The following RIMS1 variants were observed in gnomAD, a reference collection of about 807,000 sequenced individuals.
RIMS1 encodes regulating synaptic membrane exocytosis protein 1.
Under a neutral mutation model 214.1 loss-of-function variants are expected in RIMS1, and 83 were observed. That is an observed-to-expected ratio of 0.39 (90% confidence interval 0.32 to 0.47). The LOEUF (loss-of-function observed/expected upper bound fraction) is 0.47. Among genes scored for constraint, RIMS1 ranks in the 20% least tolerant of loss-of-function variants. The pLI is 0.99. For missense variants in RIMS1, 2,050 were observed against 2,161.8 expected, an observed-to-expected ratio of 0.95 and a Z score of 1.03; for synonymous variants, 793 against 786.8, an observed-to-expected ratio of 1.01 and a Z score of -0.13.
rs994521153 is a variant in RIMS1, at chr6:72,182,790, G to T, written c.1319G>T (p.Gly440Val). The T allele has an allele frequency of 3.9e-6, 6 of 1,546,224 alleles. No homozygotes were observed. Among genetic ancestry groups the T allele is most frequent in the Middle Eastern group, 3.4e-4 (2 of 5,900 alleles). Residue 440 changes from glycine to valine, a missense_variant, in exon 6 of 34, where the codon GGC becomes GTC. This residue lies in a region of RIMS1 where 882 missense variants were observed against 828.9 expected (regional missense o/e 1.06). Coordinates refer to ENST00000521978, the MANE Select transcript of RIMS1 (RefSeq NM_014989.7). ...AERTAETRAPGAKQLTNHSPP... is the reference protein window; with the variant it reads ...AERTAETRAPVAKQLTNHSPP... Reference sequence around the variant, plus strand: ...AGAACTGCGGAGACCAGGGCGCCGGGCGCCAAGCAGCTAACGAACCACAGC... The same window carrying T: ...AGAACTGCGGAGACCAGGGCGCCGGTCGCCAAGCAGCTAACGAACCACAGC...
intron 28 of RIMS1, among the ~76,000 whole-genome samples, chr6:72,321,431 C>T (rs1483257269): frequency 6.6e-6 from 1 of 152,082 alleles, no homozygotes; most frequent in African/African-American, 2.4e-5. Context: ...ATTAGAAATA[C>T]ATGAGCAGAT....
rs752055034 is a variant in RIMS1, at chr6:72,100,756, G to T, written c.471+770G>T. Among the ~76,000 whole-genome samples the T allele has an allele frequency of 5.0e-4, 74 of 148,056 alleles. 1 individual carries two copies. Among genetic ancestry groups the T allele is most frequent in the Non-Finnish European group, 5.7e-4 (38 of 66,182 alleles). ...TCTACCAATATGAGAATGAGACAAT[G>T]AGTATTTCAGGTTTAATATATCAAC... is the stretch of plus-strand genomic sequence containing the variant. On this transcript the variant is annotated intron_variant, in intron 4 of 33. Transcript: ENST00000521978.
chr6:72,007,055 C>T (rs1190396450), intron 2 of RIMS1, among the ~76,000 whole-genome samples: 1 of 152,176 alleles, frequency 6.6e-6, no homozygotes, highest in Non-Finnish European at 1.5e-5. Flanking sequence ...CCCAAGTAGC[C>T]TAACTGGGAG....
intron 2 of RIMS1, among the ~76,000 whole-genome samples, chr6:71,988,956 A>G (rs1024369991): frequency 6.6e-6 from 1 of 152,214 alleles, no homozygotes; most frequent in African/African-American, 2.4e-5. Flanking sequence ...ATTTTTAAAC[A>G]ACTTGTAAGG....
intron 2 of RIMS1, among the ~76,000 whole-genome samples, chr6:72,031,024 T>A (rs780676827): frequency 1.3e-5 from 2 of 152,182 alleles, no homozygotes; most frequent in Non-Finnish European, 2.9e-5. Context: ...GTCTTCTTGT[T>A]AGAATAAAAA....
In RIMS1 at chr6:72,026,460, C is replaced by CG. The variant is rs968370106; in HGVS notation, c.245+57397_245+57398insG. ...TATTCTTCTCCCCCAGCACCGCCCCCCCCCCCAACTTTTTTTTTTCAAACT... is the reference window on the plus strand; with the variant it reads ...TATTCTTCTCCCCCAGCACCGCCCCCGCCCCCCAACTTTTTTTTTTCAAACT... On this transcript the variant is annotated intron_variant, in intron 2 of 33. Transcript: ENST00000521978. Among the ~76,000 whole-genome samples the CG allele has an allele frequency of 1.4e-4, 19 of 139,894 alleles. 1 individual carries two copies. In the East Asian group the frequency reaches 3.1e-3, roughly 23 times the overall value. 91.8% of individuals were successfully genotyped at this position (139,894 alleles called of 152,430 possible).
intron 2 of RIMS1, among the ~76,000 whole-genome samples, chr6:72,005,256 C>T (rs980024217): frequency 2.6e-5 from 4 of 152,168 alleles, no homozygotes; most frequent in African/African-American, 9.7e-5. Context: ...CAGTAGCATG[C>T]TGTTTTGGTT....
At chr6:71,907,607 C>T (rs1348681616) in intron 1 of RIMS1, among the ~76,000 whole-genome samples, 1 of 150,464 alleles carries the variant, frequency 6.6e-6, no homozygotes, top group Non-Finnish European at 1.5e-5. Flanking sequence ...ACAGACATCA[C>T]AGCTCTACAC....
intron 1 of RIMS1, among the ~76,000 whole-genome samples, chr6:71,914,567 A>G (rs1013198531): frequency 5.9e-5 from 9 of 152,300 alleles, no homozygotes; most frequent in African/African-American, 1.7e-4. Context: ...AGAGTAATTT[A>G]GATATTTTAG....
chr6:72,363,704 G>A (rs2097900552), intron 29 of RIMS1, among the ~76,000 whole-genome samples: 1 of 152,122 alleles, frequency 6.6e-6, no homozygotes, highest in South Asian at 2.1e-4. Context: ...TTTGTGCTGA[G>A]ATTCATTTGG....
At chr6:72,136,425 A>G (rs2041290046) in intron 4 of RIMS1, among the ~76,000 whole-genome samples, 1 of 152,174 alleles carries the variant, frequency 6.6e-6, no homozygotes, top group Admixed American at 6.5e-5. Flanking sequence ...AAAAAAATGA[A>G]AAGGTTTACT....
At chr6:72,345,319 ATTTTTCT>A (rs577425678) in intron 29 of RIMS1, among the ~76,000 whole-genome samples, 1,746 of 151,864 alleles carry the variant, frequency 0.011, 31 homozygotes, top group African/African-American at 0.039. Context: ...TTATTGGATA[ATTTTTCT>A]ATGCATTTGT....
intron 26 of RIMS1, among the ~76,000 whole-genome samples, chr6:72,300,878 A>T (rs1470075181): frequency 6.6e-6 from 1 of 151,678 alleles, no homozygotes; most frequent in Non-Finnish European, 1.5e-5. Flanking sequence ...CTAAAACAGG[A>T]GATGGTCTTG....
At chr6:72,366,887 T>C (rs1232620157) in intron 29 of RIMS1, 1 of 974,062 alleles carries the variant, frequency 1.0e-6, no homozygotes, top group African/African-American at 1.8e-5. Flanking sequence ...GTTCCTTATA[T>C]GTATTTACTA....
chr6:72,210,259 A>T (rs569322145), intron 6 of RIMS1, among the ~76,000 whole-genome samples: 1 of 152,344 alleles, frequency 6.6e-6, no homozygotes, highest in East Asian at 1.9e-4. Context: ...CTATTTCTGC[A>T]AAATAGCAGG....
intron 4 of RIMS1, among the ~76,000 whole-genome samples, chr6:72,102,048 A>G (rs2033721030): frequency 6.6e-6 from 1 of 151,904 alleles, no homozygotes; most frequent in Non-Finnish European, 1.5e-5. Flanking sequence ...ATATAGCAAT[A>G]CTCTAAAATT....
chr6:72,315,388 A>G (rs2095719440), intron 28 of RIMS1, among the ~76,000 whole-genome samples: 1 of 152,130 alleles, frequency 6.6e-6, no homozygotes, highest in African/African-American at 2.4e-5. Context: ...CCTTCTTTGT[A>G]GTTTAAAACC....
At chr6:72,117,580 C>T (rs1024430653) in intron 4 of RIMS1, among the ~76,000 whole-genome samples, 2 of 151,884 alleles carry the variant, frequency 1.3e-5, no homozygotes, top group African/African-American at 2.4e-5. Flanking sequence ...AGTATCTTCT[C>T]AGACCACAGT....
intron 2 of RIMS1, among the ~76,000 whole-genome samples, chr6:72,050,730 G>A (rs1275577947): frequency 2.6e-5 from 4 of 152,176 alleles, no homozygotes; most frequent in African/African-American, 9.7e-5. Flanking sequence ...ACACTGATGA[G>A]CCCTTTGTGG....
Sources: allele counts gnomAD v4.1 joint callset (sites outside exome capture counted in the v4.1 genomes callset), GRCh38; gene constraint gnomAD v4.1.1; regional missense constraint gnomAD v4.1.1; transcripts MANE v1.5; gene names NCBI Gene and HGNC (gene_info 2026-07-23, HGNC 2026-07-21).